GOT2: variants seen among roughly 807,000 people sequenced by gnomAD.
GOT2 encodes aspartate aminotransferase, mitochondrial.
A neutral mutation model predicts 50.0 loss-of-function variants in GOT2; 17 were observed. That is an observed-to-expected ratio of 0.34 (90% CI 0.23 to 0.51). The LOEUF is 0.51. GOT2 is among the 20% of genes least tolerant of loss of function. The pLI is 0.97. For missense variants in GOT2, 430 were observed against 559.6 expected, an observed-to-expected ratio of 0.77 and a Z score of 2.34; for synonymous variants, 172 against 204.9, an observed-to-expected ratio of 0.84 and a Z score of 1.37.
chr16:58,712,022 G>C (rs1417895987), intron 8 of GOT2, among the ~76,000 whole-genome samples: 4 of 151,776 alleles, frequency 2.6e-5, no homozygotes, highest in African/African-American at 9.7e-5. Context: ...CATAATGCAC[G>C]TCCCACGCCT....
Position 58,708,079 on chromosome 16 carries a change from C to T in GOT2, c.*92G>A, listed in dbSNP as rs555352642. 65 of 1,267,796 alleles carry T rather than the reference C, an allele frequency of 5.1e-5. No homozygotes were observed. The highest frequency in any genetic ancestry group is 1.6e-4 in the Admixed American group (8 of 50,412). 78.5% of individuals were successfully genotyped at this position (1,267,796 alleles called of 1,614,324 possible). A position where few individuals can be genotyped will look rare whatever the true frequency, so the allele number is the denominator to read the frequency against. Reference sequence around the variant, plus strand: ...TGGCTGAAAGAAATGATCCACTCACCACCATCCACCCTCTCTCATTGTCTG... The same window carrying T: ...TGGCTGAAAGAAATGATCCACTCACTACCATCCACCCTCTCTCATTGTCTG... On this transcript the variant is annotated 3_prime_UTR_variant, in exon 10 of 10. Coordinates refer to ENST00000245206, the MANE Select transcript of GOT2 (RefSeq NM_002080.4).
chr16:58,724,169 T>C (rs1228490834), intron 1 of GOT2, among the ~76,000 whole-genome samples: 1 of 152,096 alleles, frequency 6.6e-6, no homozygotes, highest in African/African-American at 2.4e-5. Flanking sequence ...GCCAGGCTGG[T>C]TTTAAACTCC....
intron 8 of GOT2, among the ~76,000 whole-genome samples, chr16:58,714,117 G>C (rs30835): frequency 0.55 from 83,866 of 151,612 alleles, 24,277 homozygotes; most frequent in Middle Eastern, 0.81. Context: ...TGTTGCCCAG[G>C]CTGGTCTCCA....
intron 8 of GOT2, among the ~76,000 whole-genome samples, chr16:58,715,788 G>C (rs1329592825): frequency 6.6e-6 from 1 of 152,138 alleles, no homozygotes; most frequent in Non-Finnish European, 1.5e-5. Flanking sequence ...CCGACCTCAG[G>C]TGATCCACCT....
intron 9 of GOT2, 80 bp downstream of exon 9, chr16:58,709,337 G>GA (rs1373984555): frequency 1.7e-6 from 2 of 1,188,518 alleles, no homozygotes; most frequent in African/African-American, 1.5e-5. Flanking sequence ...AAATAAAAAA[G>GA]AAAAAAGAAA....
intron 1 of GOT2, among the ~76,000 whole-genome samples, chr16:58,732,335 T>C (rs1279301342): frequency 6.6e-6 from 1 of 152,074 alleles, no homozygotes; most frequent in East Asian, 1.9e-4. Context: ...TTTTTTTTGG[T>C]ACATATTTTG....
rs1324236650 is a variant in GOT2 at position 58,718,643 on chromosome 16, T to G, written c.481A>C (p.Thr161Pro). ...FSRDVFLPKP[T>P]WGNHTPIFRD... is the part of the protein sequence containing the mutation. The stretch of plus-strand genomic sequence containing the variant: ...AAGATGGGTGTGTGGTTTCCCCAGG[T>G]TGGTTTGGGCAGAAAGACATCTCGG... The change falls in exon 5 of 10, where the codon ACC becomes CCC. Residue 161 changes from threonine to proline, a missense_variant. By Grantham distance (38) the Thr-to-Pro change is conservative. Transcript: ENST00000245206. The G allele has an allele frequency of 1.9e-6, 3 of 1,603,958 alleles. No individual in the cohort carries two copies. Among genetic ancestry groups the G allele is most frequent in the Non-Finnish European group, 2.6e-6 (3 of 1,175,058 alleles).
chr16:58,713,589 T>C (rs887871231), intron 8 of GOT2, among the ~76,000 whole-genome samples: 4 of 151,958 alleles, frequency 2.6e-5, no homozygotes, highest in Admixed American at 2.6e-4. Flanking sequence ...ACAGAAAAAA[T>C]AGTTGTCACA....
rs147548291 is a variant in GOT2 at position 58,731,326 on chromosome 16, G to A, written c.89+2814C>T. Reference sequence around the variant, plus strand: ...TGCCCGGCTAATTTTTGTATTTTATGTAGAGACGGGGTCTTGCCATGTTGC... The same window carrying A: ...TGCCCGGCTAATTTTTGTATTTTATATAGAGACGGGGTCTTGCCATGTTGC... On this transcript the variant is annotated intron_variant, in intron 1 of 9. Transcript: ENST00000245206. Among the ~76,000 whole-genome samples, 105 of 152,150 alleles carry A rather than the reference G, an allele frequency of 6.9e-4. 1 individual carries two copies. Among genetic ancestry groups the A allele is most frequent in the African/African-American group, 2.5e-3 (103 of 41,520 alleles).
chr16:58,724,922 C>T (rs1411598128), intron 1 of GOT2, among the ~76,000 whole-genome samples: 2 of 152,190 alleles, frequency 1.3e-5, no homozygotes, highest in Non-Finnish European at 2.9e-5. Context: ...TAGGACACCA[C>T]ATTATGCTTA....
At chr16:58,730,577 T>C (rs1193664548) in intron 1 of GOT2, among the ~76,000 whole-genome samples, 1 of 151,942 alleles carries the variant, frequency 6.6e-6, no homozygotes, top group African/African-American at 2.4e-5. Context: ...ATTGCCCAGG[T>C]TGGTCTCCAA....
intron 1 of GOT2, 59 bp downstream of exon 1, chr16:58,734,081 T>A (rs906994196): frequency 9.8e-7 from 1 of 1,020,748 alleles, no homozygotes; most frequent in Non-Finnish European, 1.3e-6. Context: ...CCTGGGGTGC[T>A]CGCAGCTCGG....
chr16:58,713,491 AAAAAC>A (rs961302125), intron 8 of GOT2, among the ~76,000 whole-genome samples: 3 of 152,064 alleles, frequency 2.0e-5, no homozygotes, highest in African/African-American at 7.2e-5. Context: ...ATCAAAAGGA[AAAAAC>A]AAAACAAAAC....
intron 8 of GOT2, among the ~76,000 whole-genome samples, chr16:58,710,162 T>G (rs1215695397): frequency 1.3e-5 from 2 of 151,880 alleles, no homozygotes; most frequent in African/African-American, 2.4e-5. Context: ...CCTCCCAGAG[T>G]GCCGGGATTA....
At chr16:58,715,969 GT>G (rs1368821889) in intron 8 of GOT2, 44 bp downstream of exon 8, 5 of 1,475,104 alleles carry the variant, frequency 3.4e-6, no homozygotes. Context: ...TGAAGGAGCA[GT>G]GGTGGGAACA....
At chr16:58,727,367 G>GTTT (rs11423426) in intron 1 of GOT2, among the ~76,000 whole-genome samples, 1 of 148,020 alleles carries the variant, frequency 6.8e-6, no homozygotes, top group South Asian at 2.1e-4. Flanking sequence ...AATATAAAAG[G>GTTT]TTTTTTTTTT....
chr16:58,725,021 G>A (rs1033614619), intron 1 of GOT2, among the ~76,000 whole-genome samples: 2 of 152,168 alleles, frequency 1.3e-5, no homozygotes, highest in African/African-American at 2.4e-5. Context: ...ACTGGAATTT[G>A]TCTGATGTTT....
At chr16:58,708,400 A>G (rs1186906999) in intron 9 of GOT2, 107 bp from the exon 10 acceptor site, 1 of 1,086,098 alleles carries the variant, frequency 9.2e-7, no homozygotes, top group East Asian at 2.5e-5. Flanking sequence ...CTCGCTTAAA[A>G]CCTGTTCCCA....
At chr16:58,708,345 C>T (rs1167207457) in intron 9 of GOT2, 52 bp from the exon 10 acceptor site, 4 of 1,589,124 alleles carry the variant, frequency 2.5e-6, no homozygotes, top group Non-Finnish European at 1.7e-6. Context: ...GGGATTCTCC[C>T]CGGCCTGACA....
Sources: allele counts gnomAD v4.1 joint callset (sites outside exome capture counted in the v4.1 genomes callset), GRCh38; gene constraint gnomAD v4.1.1; transcripts MANE v1.5; gene names NCBI Gene and HGNC (gene_info 2026-07-23, HGNC 2026-07-21).